SLC25A48: variants seen among roughly 807,000 people sequenced by gnomAD.
SLC25A48 encodes CTC-321K16.1.
SLC25A48 carries 29 observed loss-of-function variants against 32.2 expected under a neutral mutation model. The observed-to-expected ratio is 0.90, with a 90% CI of 0.67 to 1.23. SLC25A48 has a LOEUF of 1.23. SLC25A48 is among the 50% of genes most tolerant of loss of function. The probability of loss-of-function intolerance (pLI) is 0.00; values close to 1 mark genes in which losing one functional copy is unlikely to be tolerated. For synonymous variants in SLC25A48, 164 were observed against 172.3 expected (o/e 0.95, Z 0.38); for missense variants, 399 against 422.7 (o/e 0.94, Z 0.49).
chr5:135,796,151 T>C (rs1337549625), intron 3 of SLC25A48, among the ~76,000 whole-genome samples: 1 of 151,718 alleles, frequency 6.6e-6, no homozygotes, highest in Non-Finnish European at 1.5e-5. Flanking sequence ...GAGGGTGATA[T>C]TACTTTTTAT....
chr5:135,803,573 G>T (rs10463943), intron 3 of SLC25A48, among the ~76,000 whole-genome samples: 2,868 of 34,792 alleles, frequency 0.082, no homozygotes, highest in Middle Eastern at 0.26. Flanking sequence ...GATATTATTT[G>T]TAATATTCTA....
chr5:135,810,490 T>C (rs1411458975), intron 3 of SLC25A48, among the ~76,000 whole-genome samples: 1 of 152,222 alleles, frequency 6.6e-6, no homozygotes, highest in Non-Finnish European at 1.5e-5. Context: ...CTGCCTGATC[T>C]GTCTCCCTCT....
intron 3 of SLC25A48, among the ~76,000 whole-genome samples, chr5:135,794,385 C>T (rs768830937): frequency 1.5e-4 from 22 of 151,464 alleles, no homozygotes; most frequent in East Asian, 3.9e-4. Flanking sequence ...TTAATATCCA[C>T]GAGAGGAGAT....
At chr5:135,734,140 A>G (rs1186612964) in intron 3 of SLC25A48, among the ~76,000 whole-genome samples, 2 of 152,094 alleles carry the variant, frequency 1.3e-5, no homozygotes, top group Non-Finnish European at 2.9e-5. Context: ...AAGGGTGATT[A>G]GGTTTTAATG....
intron 3 of SLC25A48, among the ~76,000 whole-genome samples, chr5:135,695,474 A>G (rs370667067): frequency 2.0e-5 from 3 of 152,234 alleles, no homozygotes; most frequent in East Asian, 3.9e-4. Context: ...TTTTCCCAGC[A>G]TGCTTTGCAG....
intron 4 of SLC25A48, among the ~76,000 whole-genome samples, chr5:135,828,925 G>A (rs1242784210): frequency 2.6e-5 from 4 of 152,208 alleles, no homozygotes; most frequent in African/African-American, 9.6e-5. Context: ...CTCTGCCTCT[G>A]CACACTTCTC....
intron 3 of SLC25A48, among the ~76,000 whole-genome samples, chr5:135,784,743 A>G (rs892711451): frequency 8.5e-6 from 1 of 117,676 alleles, no homozygotes; most frequent in African/African-American, 2.6e-5. Flanking sequence ...TTTTCCTAAT[A>G]CCCAGTGGAA....
At chr5:135,749,913 G>A (rs1755730936) in intron 3 of SLC25A48, among the ~76,000 whole-genome samples, 1 of 151,932 alleles carries the variant, frequency 6.6e-6, no homozygotes, top group Non-Finnish European at 1.5e-5. Context: ...TAAGGTGAGT[G>A]CTCCCCAAGA....
intron 1 of SLC25A48, among the ~76,000 whole-genome samples, chr5:135,588,508 G>T (rs1751427000): frequency 6.6e-6 from 1 of 152,246 alleles, no homozygotes; most frequent in Admixed American, 6.5e-5. Flanking sequence ...ATGTCTGCAG[G>T]CCAGAGAGGC....
chr5:135,754,369 G>T (rs534777195), intron 3 of SLC25A48, among the ~76,000 whole-genome samples: 28 of 152,092 alleles, frequency 1.8e-4, no homozygotes, highest in African/African-American at 6.5e-4. Flanking sequence ...TGAAATTACT[G>T]TGATATTACT....
At chr5:135,653,443 T>C (rs1753165429) in intron 3 of SLC25A48, among the ~76,000 whole-genome samples, 1 of 152,218 alleles carries the variant, frequency 6.6e-6, no homozygotes, top group South Asian at 2.1e-4. Flanking sequence ...AATTGAGGAC[T>C]CAGAGCCTTC....
intron 3 of SLC25A48, among the ~76,000 whole-genome samples, chr5:135,693,739 G>T (rs2126960136): frequency 6.6e-6 from 1 of 152,304 alleles, no homozygotes; most frequent in South Asian, 2.1e-4. Context: ...AACCTGTCTG[G>T]GCATCTGCCA....
intron 3 of SLC25A48, among the ~76,000 whole-genome samples, chr5:135,661,377 A>G (rs1753393314): frequency 6.6e-6 from 1 of 152,176 alleles, no homozygotes; most frequent in Non-Finnish European, 1.5e-5. Context: ...GGGGTTGACA[A>G]CTGTGCCCAG....
At chr5:135,743,593 C>T (rs528102328) in intron 3 of SLC25A48, among the ~76,000 whole-genome samples, 10 of 152,294 alleles carry the variant, frequency 6.6e-5, no homozygotes, top group South Asian at 2.1e-4. Flanking sequence ...CCTTAACACA[C>T]GAGGTATAAT....
intron 3 of SLC25A48, among the ~76,000 whole-genome samples, chr5:135,754,855 A>G (rs13169968): frequency 0.3 from 45,941 of 151,838 alleles, 7,091 homozygotes; most frequent in East Asian, 0.46. Flanking sequence ...TATTGCTCTG[A>G]CATTTATAGT....
At chr5:135,713,715 C>T (rs1754727368) in intron 3 of SLC25A48, among the ~76,000 whole-genome samples, 1 of 152,128 alleles carries the variant, frequency 6.6e-6, no homozygotes, top group African/African-American at 2.4e-5. Flanking sequence ...AGTGTTCCTC[C>T]CTCCCCCATC....
chr5:135,773,295 CT>C (rs1291458800), intron 3 of SLC25A48, among the ~76,000 whole-genome samples: 3 of 151,564 alleles, frequency 2.0e-5, no homozygotes. Flanking sequence ...CTATCATCTT[CT>C]TTTCCTGTGG....
chr5:135,864,184 G>A (rs1221895438), intron 4 of SLC25A48, among the ~76,000 whole-genome samples: 1 of 152,182 alleles, frequency 6.6e-6, no homozygotes, highest in East Asian at 1.9e-4. Context: ...TCTGCATGGT[G>A]ACAAAATAAG....
intron 3 of SLC25A48, among the ~76,000 whole-genome samples, chr5:135,669,413 A>G (rs1753601403): frequency 6.6e-6 from 1 of 152,082 alleles, no homozygotes; most frequent in Non-Finnish European, 1.5e-5. Context: ...GCCAGGAAGC[A>G]CCTATCTGGG....
Sources: allele counts gnomAD v4.1 joint callset (sites outside exome capture counted in the v4.1 genomes callset), GRCh38; gene constraint gnomAD v4.1.1; transcripts MANE v1.5; gene names NCBI Gene and HGNC (gene_info 2026-07-23, HGNC 2026-07-21).